CAMTA1: variants seen among roughly 807,000 people sequenced by gnomAD.
The protein encoded by CAMTA1 is calmodulin binding transcription activator 1.
Under a neutral mutation model 170.9 loss-of-function variants are expected in CAMTA1, and 27 were observed. The ratio of observed to expected loss-of-function variants is 0.16; its 90% CI spans 0.12 to 0.22. The LOEUF (loss-of-function observed/expected upper bound fraction) is 0.22. Among genes scored for constraint, CAMTA1 ranks in the 10% least tolerant of loss-of-function variants. CAMTA1 has a pLI of 1.00. For missense variants in CAMTA1, 1,619 were observed against 2,217.2 expected (o/e 0.73, Z 5.42); for synonymous variants, 833 against 891.5 (o/e 0.93, Z 1.17).
At chr1:6,867,551 G>A (rs1248961292) in intron 3 of CAMTA1, among the ~76,000 whole-genome samples, 1 of 152,142 alleles carries the variant, frequency 6.6e-6, no homozygotes, top group African/African-American at 2.4e-5. Context: ...ACTTGCGGGT[G>A]AGCTACAGAC....
intron 3 of CAMTA1, among the ~76,000 whole-genome samples, chr1:7,068,729 C>G (rs1261026330): frequency 6.6e-6 from 1 of 152,204 alleles, no homozygotes; most frequent in Admixed American, 6.5e-5. Context: ...CAGGGCCTCT[C>G]TCAGTGGCAG....
chr1:6,810,214 C>T (rs1417074994), intron 1 of CAMTA1, among the ~76,000 whole-genome samples: 2 of 152,166 alleles, frequency 1.3e-5, no homozygotes, highest in Non-Finnish European at 2.9e-5. Context: ...GGACTGGGCT[C>T]ACCTTGGAAA....
rs1006466514 is a variant in CAMTA1 at position 7,634,828 on chromosome 1, C to A, written c.511-5572C>A. 6.6e-6 allele frequency among the ~76,000 whole-genome samples: 1 copy of A among 152,094 alleles called. No individual in the cohort carries two copies. The highest frequency in any genetic ancestry group is 1.5e-5 in the Non-Finnish European group (1 of 68,004). ...GGTGGTTGGTGGTGGTAGAGCGGGG[C>A]CTCTGTCTCTCCTGACGACATTCCA... On this transcript the variant is annotated intron_variant, in intron 6 of 22. Coordinates refer to ENST00000303635, the MANE Select transcript of CAMTA1 (RefSeq NM_015215.4). The surrounding 1 kb of genome is among the most constrained non-coding windows in gnomAD (Gnocchi z 6.2).
At chr1:7,480,108 C>CGT (rs60946478) in intron 6 of CAMTA1, among the ~76,000 whole-genome samples, 87,706 of 144,912 alleles carry the variant, frequency 0.61, 26,244 homozygotes, top group African/African-American at 0.73. Flanking sequence ...TGTGTGAGAG[C>CGT]GTGTGTGTGT....
In CAMTA1 at chr1:7,456,722, G is replaced by A. The variant is rs1438296338; in HGVS notation, c.439-11108G>A. ...AGGTCTCCAGCTCCCGCTTGGCTGG[G>A]CCTGTGCAGGGTGAGGAGCTGGGCT... On this transcript the variant is annotated intron_variant, in intron 5 of 22. Coordinates refer to ENST00000303635, the MANE Select transcript of CAMTA1 (RefSeq NM_015215.4). The surrounding 1 kb of genome is among the most constrained non-coding windows in gnomAD (Gnocchi z 4.9). Among the ~76,000 whole-genome samples the A allele has an allele frequency of 6.6e-6, 1 of 152,222 alleles. No individual in the cohort carries two copies. The highest frequency in any genetic ancestry group is 1.5e-5 in the Non-Finnish European group (1 of 68,042).
chr1:7,308,092 G>C (rs1486355914), intron 5 of CAMTA1, among the ~76,000 whole-genome samples: 1 of 151,638 alleles, frequency 6.6e-6, no homozygotes, highest in Non-Finnish European at 1.5e-5. Context: ...CATTTTGGTA[G>C]TTTGTGGTTT....
intron 1 of CAMTA1, among the ~76,000 whole-genome samples, chr1:6,792,470 T>C (rs187857752): frequency 6.6e-6 from 1 of 152,062 alleles, no homozygotes; most frequent in East Asian, 1.9e-4. Context: ...TACTGTTTCC[T>C]GAGCATTTTT....
chr1:6,793,665 T>C (rs1484078384), intron 1 of CAMTA1, among the ~76,000 whole-genome samples: 2 of 152,136 alleles, frequency 1.3e-5, no homozygotes, highest in Non-Finnish European at 2.9e-5. Context: ...ATTTGTGTCT[T>C]ATATTAGAAT....
chr1:7,521,587 G>A (rs1323696439), intron 6 of CAMTA1, among the ~76,000 whole-genome samples: 1 of 151,960 alleles, frequency 6.6e-6, no homozygotes, highest in Non-Finnish European at 1.5e-5. Context: ...CTGTAGCCCA[G>A]GCTGGAGTGC....
At chr1:6,913,520 C>T (rs1175332798) in intron 3 of CAMTA1, among the ~76,000 whole-genome samples, 2 of 152,196 alleles carry the variant, frequency 1.3e-5, no homozygotes, top group Non-Finnish European at 2.9e-5. Context: ...GCCTCCCTTT[C>T]CCCCTGCCCC....
At chr1:7,362,951 A>G (rs2085663085) in intron 5 of CAMTA1, among the ~76,000 whole-genome samples, 1 of 152,194 alleles carries the variant, frequency 6.6e-6, no homozygotes, top group Non-Finnish European at 1.5e-5. Context: ...GAACTTGGGT[A>G]GAGGTGGTGG....
At chr1:6,832,604 C>T (rs1650831508) in intron 3 of CAMTA1, among the ~76,000 whole-genome samples, 1 of 152,028 alleles carries the variant, frequency 6.6e-6, no homozygotes, top group African/African-American at 2.4e-5. Flanking sequence ...TAAATGTGAG[C>T]TAAGCTGAAA....
intron 6 of CAMTA1, among the ~76,000 whole-genome samples, chr1:7,601,511 G>A (rs2095442577): frequency 1.3e-5 from 2 of 148,842 alleles, no homozygotes; most frequent in African/African-American, 5.2e-5. Flanking sequence ...CGGCCAGGCA[G>A]AGATGCTCCT....
intron 16 of CAMTA1, among the ~76,000 whole-genome samples, chr1:7,743,153 C>T (rs909030372): frequency 5.9e-5 from 9 of 151,816 alleles, no homozygotes; most frequent in African/African-American, 1.9e-4. Context: ...CACGCCTGGC[C>T]CAATATATTT....
intron 7 of CAMTA1, among the ~76,000 whole-genome samples, chr1:7,647,230 C>T (rs535586099): frequency 6.7e-6 from 1 of 149,408 alleles, no homozygotes; most frequent in East Asian, 2.0e-4. Flanking sequence ...ATGTTCAGTG[C>T]GCCTTTTGTT....
intron 11 of CAMTA1, among the ~76,000 whole-genome samples, chr1:7,730,628 G>T (rs568599931): frequency 5.3e-5 from 8 of 152,306 alleles, no homozygotes; most frequent in Middle Eastern, 3.4e-3. Context: ...CAGGCACGGG[G>T]TTTCAGCCTG....
intron 6 of CAMTA1, among the ~76,000 whole-genome samples, chr1:7,629,610 C>T (rs2095655404): frequency 6.6e-6 from 1 of 152,218 alleles, no homozygotes; most frequent in African/African-American, 2.4e-5. Flanking sequence ...TCTGAAGACT[C>T]GAATCACATT....
chr1:7,353,487 A>T (rs1256665499), intron 5 of CAMTA1, among the ~76,000 whole-genome samples: 1 of 145,132 alleles, frequency 6.9e-6, no homozygotes, highest in African/African-American at 2.6e-5. Flanking sequence ...GTGCAATGGC[A>T]TGATCGTGGC....
intron 4 of CAMTA1, among the ~76,000 whole-genome samples, chr1:7,231,207 T>C (rs1361077020): frequency 6.6e-6 from 1 of 152,042 alleles, no homozygotes; most frequent in Non-Finnish European, 1.5e-5. Flanking sequence ...AATAGCCTGA[T>C]GGTGTCCAGG....
Sources: allele counts gnomAD v4.1 joint callset (sites outside exome capture counted in the v4.1 genomes callset), GRCh38; gene constraint gnomAD v4.1.1; non-coding constraint Gnocchi (gnomAD v3.1); transcripts MANE v1.5; gene names NCBI Gene and HGNC (gene_info 2026-07-23, HGNC 2026-07-21).